DCC: variants seen among roughly 807,000 people sequenced by gnomAD.
DCC encodes netrin receptor DCC.
In DCC, 58 loss-of-function variants were observed where a neutral mutation model predicts 172.5. That is an observed-to-expected ratio of 0.34 (90% CI 0.27 to 0.42). The LOEUF (loss-of-function observed/expected upper bound fraction) is 0.42, where lower values mean the gene tolerates loss of function less well. Ranked by LOEUF, DCC falls within the 10% of genes least tolerant of loss-of-function variation. The probability of loss-of-function intolerance (pLI) is 1.00; values close to 1 mark genes in which losing one functional copy is unlikely to be tolerated. For missense variants in DCC, 1,740 were observed against 1,791.0 expected (o/e 0.97, Z 0.51); for synonymous variants, 709 against 644.5 (o/e 1.10, Z -1.52).
At chr18:52,718,445 C>G (rs956074250) in intron 1 of DCC, among the ~76,000 whole-genome samples, 2 of 152,168 alleles carry the variant, frequency 1.3e-5, no homozygotes, top group African/African-American at 4.8e-5. Flanking sequence ...CATTGCCACC[C>G]TTTGAAGTTG....
At chr18:53,014,976 A>G (rs544115482) in intron 5 of DCC, among the ~76,000 whole-genome samples, 1 of 152,336 alleles carries the variant, frequency 6.6e-6, no homozygotes, top group East Asian at 1.9e-4. Context: ...TTCTTCCCCT[A>G]CACAATTAAA....
At chr18:52,732,442 G>C (rs77712252) in intron 1 of DCC, among the ~76,000 whole-genome samples, 375 of 152,174 alleles carry the variant, frequency 2.5e-3, no homozygotes, top group African/African-American at 8.3e-3. Flanking sequence ...CTATTATTAC[G>C]TTATGTGACT....
chr18:52,408,487 G>A (rs3851129), intron 1 of DCC, among the ~76,000 whole-genome samples: 118,456 of 151,908 alleles, frequency 0.78, 46,441 homozygotes, highest in Middle Eastern at 0.83. Flanking sequence ...ATCAGCCCCT[G>A]TTGGCAAAGA....
chr18:53,317,968 GTC>G (rs1214919201), intron 13 of DCC, among the ~76,000 whole-genome samples: 1 of 151,814 alleles, frequency 6.6e-6, no homozygotes, highest in Non-Finnish European at 1.5e-5. Flanking sequence ...GGTTTTTTGT[GTC>G]TCTATCTCCT....
intron 11 of DCC, among the ~76,000 whole-genome samples, chr18:53,211,797 C>T (rs968995755): frequency 7.2e-5 from 11 of 152,082 alleles, no homozygotes; most frequent in African/African-American, 2.4e-4. Flanking sequence ...CTTGTAATCC[C>T]AGAACTTTGG....
chr18:52,948,179 T>C (rs1483904159), intron 5 of DCC, among the ~76,000 whole-genome samples: 1 of 152,196 alleles, frequency 6.6e-6, no homozygotes, highest in Non-Finnish European at 1.5e-5. Flanking sequence ...TGTGATATCA[T>C]GGGTATTTTA....
At chr18:52,360,438 G>T (rs896572041) in intron 1 of DCC, among the ~76,000 whole-genome samples, 3 of 152,238 alleles carry the variant, frequency 2.0e-5, no homozygotes, top group African/African-American at 7.2e-5. Flanking sequence ...CCATTGTAGT[G>T]TAAGGGAATT....
At chr18:52,890,608 C>T (rs369142704) in intron 2 of DCC, among the ~76,000 whole-genome samples, 81 of 152,214 alleles carry the variant, frequency 5.3e-4, no homozygotes, top group Middle Eastern at 6.8e-3. Context: ...ACATATCACT[C>T]ATAGGTGGCC....
chr18:52,891,882 A>C (rs1490444921), intron 2 of DCC, among the ~76,000 whole-genome samples: 1 of 152,046 alleles, frequency 6.6e-6, no homozygotes, highest in Non-Finnish European at 1.5e-5. Flanking sequence ...CCACTCTTGT[A>C]TTCACCACCA....
chr18:52,477,968 C>T (rs183918712), intron 1 of DCC, among the ~76,000 whole-genome samples: 25 of 152,096 alleles, frequency 1.6e-4, no homozygotes, highest in African/African-American at 4.6e-4. Context: ...CACCACCATA[C>T]CCCGCTAATT....
Position 53,531,409 on chromosome 18 carries a change from T to A in DCC, c.*756T>A, listed in dbSNP as rs1412790883. 1.3e-5 allele frequency: 2 copies of A among 154,418 alleles called. No individual in the cohort carries two copies. The highest frequency in any genetic ancestry group is 4.8e-5 in the African/African-American group (2 of 41,454). The allele number at this position is 154,418 out of a possible 1,614,324, so 9.6% of individuals were successfully genotyped here. On this transcript the variant is annotated 3_prime_UTR_variant, in exon 29 of 29. Coordinates refer to ENST00000442544, the MANE Select transcript of DCC (RefSeq NM_005215.4). ...TGGAAAGAGGATATAATATGCAATC[T>A]TCTCAGACACATGGTAATTATATGC...
intron 1 of DCC, among the ~76,000 whole-genome samples, chr18:52,506,628 A>G (rs1034480095): frequency 3.9e-5 from 6 of 152,112 alleles, no homozygotes; most frequent in African/African-American, 1.4e-4. Context: ...TTAATGTTAT[A>G]TGATATTTTT....
At position 52,415,519 on chromosome 18, in the gene DCC, C is replaced by T. The variant is rs117186338; in HGVS notation, c.91+74641C>T. 9.2e-3 allele frequency among the ~76,000 whole-genome samples: 1,403 copies of T among 152,190 alleles called. 71 individuals are homozygous for T. Among genetic ancestry groups the T allele is most frequent in the Admixed American group, 0.067 (1,026 of 15,274 alleles). On this transcript the variant is annotated intron_variant, in intron 1 of 28. Coordinates refer to ENST00000442544, the MANE Select transcript of DCC (RefSeq NM_005215.4). ...ATGATGAAGGTGGCAGGCACCTTGC[C>T]CTCAAGGAGTTTGTAATCTAGAGGA...
chr18:52,828,127 T>C (rs2145288218), intron 2 of DCC, among the ~76,000 whole-genome samples: 1 of 152,280 alleles, frequency 6.6e-6, no homozygotes, highest in South Asian at 2.1e-4. Flanking sequence ...ACATTATCTG[T>C]TTTAGTAGCC....
intron 25 of DCC, among the ~76,000 whole-genome samples, chr18:53,475,991 AGAG>A (rs1375384785): frequency 2.0e-5 from 3 of 152,220 alleles, no homozygotes; most frequent in Non-Finnish European, 4.4e-5. Flanking sequence ...ACATGGAATC[AGAG>A]GAGATCATTT....
chr18:52,368,753 A>C (rs907437882), intron 1 of DCC, among the ~76,000 whole-genome samples: 8 of 152,072 alleles, frequency 5.3e-5, no homozygotes, highest in African/African-American at 1.9e-4. Flanking sequence ...GTTGAAAAAA[A>C]CTCTAGTCTT....
chr18:52,849,629 G>A (rs920359495), intron 2 of DCC, among the ~76,000 whole-genome samples: 1 of 152,114 alleles, frequency 6.6e-6, no homozygotes, highest in East Asian at 1.9e-4. Context: ...TTTTAATAAA[G>A]CATCATTGGC....
At chr18:52,472,108 C>T (rs906752664) in intron 1 of DCC, among the ~76,000 whole-genome samples, 1 of 152,130 alleles carries the variant, frequency 6.6e-6, no homozygotes, top group African/African-American at 2.4e-5. Context: ...TGCCATGCAC[C>T]CTGAGTGCAA....
chr18:52,343,918 C>T lies in DCC; in HGVS notation c.91+3040C>T, dbSNP rs879216389. ...CTCGGGGTAGGCTGGCAGTCCACTC[C>T]TCTGTGAGTGCCGCAGTATAAATCA... On this transcript the variant is annotated intron_variant, in intron 1 of 28. Coordinates refer to ENST00000442544, the MANE Select transcript of DCC (RefSeq NM_005215.4). 2.1e-5 allele frequency among the ~76,000 whole-genome samples: 3 copies of T among 142,582 alleles called. No homozygotes were observed. In the Admixed American group the frequency reaches 2.2e-4, roughly 10 times the overall value. 93.5% of individuals were successfully genotyped at this position (142,582 alleles called of 152,430 possible).
Sources: gnomAD v4.1 joint callset for allele counts (sites outside exome capture counted in the v4.1 genomes callset) on GRCh38, gnomAD v4.1.1 for gene constraint, MANE v1.5 for transcripts, NCBI Gene and HGNC (gene_info 2026-07-23, HGNC 2026-07-21) for gene names.